Variants in GPHN observed in about 807,000 individuals in gnomAD.
The protein encoded by GPHN is gephyrin.
Under a neutral mutation model 95.5 loss-of-function variants are expected in GPHN, and 17 were observed. That is an observed-to-expected ratio of 0.18 (90% CI 0.12 to 0.27). The LOEUF (loss-of-function observed/expected upper bound fraction) is 0.27. Among genes scored for constraint, GPHN ranks in the 10% least tolerant of loss-of-function variants. The pLI, the probability that GPHN is intolerant of heterozygous loss-of-function variation, is 1.00. For synonymous variants in GPHN, 320 were observed against 322.5 expected, an observed-to-expected ratio of 0.99 and a Z score of 0.08; for missense variants, 660 against 978.1, an observed-to-expected ratio of 0.67 and a Z score of 4.34.
the GPHN span, among the ~76,000 whole-genome samples, chr14:67,688,378 A>G: frequency 6.6e-6 from 1 of 152,202 alleles, no homozygotes; most frequent in Non-Finnish European, 1.5e-5. Context: ...TTAAGGGGTA[A>G]ATCCATATGT....
At chr14:67,701,923 G>C in the GPHN span, 1 of 152,000 alleles carries the variant, frequency 6.6e-6, no homozygotes, top group African/African-American at 2.4e-5. Context: ...TTCCTGAGTG[G>C]CCAGGACTAC....
chr14:66,764,802 G>A (rs2058901542), intron 2 of GPHN, among the ~76,000 whole-genome samples: 1 of 151,922 alleles, frequency 6.6e-6, no homozygotes, highest in South Asian at 2.1e-4. Flanking sequence ...ATTACTTATT[G>A]TACATGATTA....
At chr14:67,482,829 G>A in the GPHN span, among the ~76,000 whole-genome samples, 4 of 152,092 alleles carry the variant, frequency 2.6e-5, no homozygotes, top group Non-Finnish European at 2.9e-5. Flanking sequence ...TGCCCCCCAA[G>A]GAAAGCCCCT....
chr14:66,697,440 A>T lies in GPHN; in HGVS notation c.143+16255A>T, dbSNP rs111806533. On this transcript the variant is annotated intron_variant, in intron 2 of 22. Transcript: ENST00000478722. ...GTAATTTTGGATAATTGTTGTATATAAGAATGTTTACTATTAAAGGCACAA... is the reference window on the plus strand; with the variant it reads ...GTAATTTTGGATAATTGTTGTATATTAGAATGTTTACTATTAAAGGCACAA... Among the ~76,000 whole-genome samples, 552 of 152,284 alleles carry T rather than the reference A, an allele frequency of 3.6e-3. 11 individuals carry two copies. Among genetic ancestry groups the T allele is most frequent in the African/African-American group, 0.013 (526 of 41,552 alleles).
the GPHN span, chr14:67,350,605 C>A: frequency 6.2e-7 from 1 of 1,612,214 alleles, no homozygotes; most frequent in South Asian, 1.1e-5. Context: ...CGTTTAGTCC[C>A]CTTACCTGAA....
At chr14:67,320,007 T>G in the GPHN span, among the ~76,000 whole-genome samples, 1 of 152,220 alleles carries the variant, frequency 6.6e-6, no homozygotes, top group African/African-American at 2.4e-5. Context: ...TATATTGTAT[T>G]AGACATTCAA....
the GPHN span, among the ~76,000 whole-genome samples, chr14:67,373,842 A>AGTGTGTGTGTGTGT: frequency 3.2e-3 from 465 of 145,788 alleles, 4 homozygotes; most frequent in African/African-American, 0.01. Context: ...TAATTTGTTC[A>AGTGTGTGTGTGTGT]GTGTGTGTGT....
Position 66,821,427 on chromosome 14 carries a change from A to T in GPHN, c.202-3047A>T, listed in dbSNP as rs532947601. On this transcript the variant is annotated intron_variant, in intron 3 of 22. Coordinates refer to ENST00000478722, the MANE Select transcript of GPHN (RefSeq NM_020806.5). ...CTAATTCCGTGACACCACTGGTGCC[A>T]GTTCTCAGATCATACTTTTAGTAAC... Among the ~76,000 whole-genome samples, 5 of 152,356 alleles carry T rather than the reference A, an allele frequency of 3.3e-5. No individual in the cohort carries two copies. The South Asian group carries it at 1.0e-3, about 32-fold the overall frequency.
At chr14:66,680,677 A>T (rs901634701) in intron 1 of GPHN, among the ~76,000 whole-genome samples, 1 of 152,178 alleles carries the variant, frequency 6.6e-6, no homozygotes, top group African/African-American at 2.4e-5. Flanking sequence ...AGAGATATTA[A>T]TCATCCTGCA....
the GPHN span, among the ~76,000 whole-genome samples, chr14:67,315,268 ATTTT>A: frequency 2.3e-4 from 23 of 101,588 alleles, no homozygotes; most frequent in South Asian, 3.3e-4. Flanking sequence ...CTTATTTTTA[ATTTT>A]TTTTTTTTTT....
At chr14:66,636,942 A>T (rs776270731) in intron 1 of GPHN, among the ~76,000 whole-genome samples, 29 of 152,112 alleles carry the variant, frequency 1.9e-4, no homozygotes, top group Non-Finnish European at 2.4e-4. Flanking sequence ...ATTTTTGGCA[A>T]ATTAAAATTT....
intron 2 of GPHN, among the ~76,000 whole-genome samples, chr14:66,732,103 C>A (rs1429427518): frequency 2.0e-5 from 3 of 152,174 alleles, no homozygotes; most frequent in Non-Finnish European, 4.4e-5. Flanking sequence ...GCAGAGCCCT[C>A]ACAGAGAACT....
intron 1 of GPHN, among the ~76,000 whole-genome samples, chr14:66,588,279 A>AG: frequency 6.6e-6 from 1 of 152,254 alleles, no homozygotes; most frequent in East Asian, 1.9e-4. Context: ...CACGAAGTTG[A>AG]GGAGGAACCA....
chr14:67,126,621 A>C (rs1426664871), intron 17 of GPHN, among the ~76,000 whole-genome samples: 1 of 152,236 alleles, frequency 6.6e-6, no homozygotes, highest in Non-Finnish European at 1.5e-5. Context: ...GATGTGGAGA[A>C]ATAGGAACAC....
chr14:66,761,814 C>T (rs1247975139), intron 2 of GPHN, among the ~76,000 whole-genome samples: 1 of 152,032 alleles, frequency 6.6e-6, no homozygotes, highest in East Asian at 1.9e-4. Context: ...CACCCACCAC[C>T]ACTCCCAGCT....
At chr14:67,545,009 G>A in the GPHN span, among the ~76,000 whole-genome samples, 13 of 152,218 alleles carry the variant, frequency 8.5e-5, 1 homozygote, top group Non-Finnish European at 1.6e-4. Flanking sequence ...AAAAATCACA[G>A]TTTGGTTAGA....
At chr14:67,480,843 C>T in the GPHN span, among the ~76,000 whole-genome samples, 3 of 152,162 alleles carry the variant, frequency 2.0e-5, no homozygotes, top group African/African-American at 4.8e-5. Flanking sequence ...TGGCCCAGAC[C>T]GGTTTCCCAG....
At chr14:67,343,272 C>A in the GPHN span, 4 of 842,256 alleles carry the variant, frequency 4.7e-6, no homozygotes, top group South Asian at 4.1e-5. Context: ...GCATCTTATT[C>A]ATCTTTCAGT....
rs552293702 is a variant in GPHN, at chr14:66,766,023, G to T, written c.144-10441G>T. On this transcript the variant is annotated intron_variant, in intron 2 of 22. Coordinates refer to ENST00000478722, the MANE Select transcript of GPHN (RefSeq NM_020806.5). ...AGGAATTGGAGAACAACCAGTTTAA[G>T]CAGGACTTGAGGGATAATGGTTCTT... Among the ~76,000 whole-genome samples the T allele has an allele frequency of 2.6e-5, 4 of 152,268 alleles. No homozygotes were observed. In the East Asian group the frequency reaches 7.7e-4, roughly 29 times the overall value.
Sources: allele counts gnomAD v4.1 joint callset (sites outside exome capture counted in the v4.1 genomes callset), GRCh38; gene constraint gnomAD v4.1.1; transcripts MANE v1.5; gene names NCBI Gene and HGNC (gene_info 2026-07-23, HGNC 2026-07-21).